DOCK9: variants seen among roughly 807,000 people sequenced by gnomAD.
The protein encoded by DOCK9 is dedicator of cytokinesis protein 9.
In DOCK9, 89 loss-of-function variants were observed where a neutral mutation model predicts 263.3. The observed-to-expected ratio is 0.34, with a 90% CI of 0.28 to 0.40. The LOEUF is 0.40. DOCK9 is among the 10% of genes least tolerant of loss of function. The probability of loss-of-function intolerance (pLI) is 1.00; values close to 1 mark genes in which losing one functional copy is unlikely to be tolerated. For missense variants in DOCK9, 2,140 were observed against 2,603.4 expected (o/e 0.82, Z 3.87); for synonymous variants, 976 against 973.1 (o/e 1.00, Z -0.06).
intron 46 of DOCK9, among the ~76,000 whole-genome samples, 194 bp from the exon 47 acceptor site, chr13:98,809,659 G>A (rs925153926): frequency 5.3e-5 from 8 of 152,200 alleles, no homozygotes; most frequent in Admixed American, 2.0e-4. Context: ...GCCCACACGT[G>A]AGGACCCATC....
chr13:98,899,284 A>G (rs1192957142), intron 13 of DOCK9, among the ~76,000 whole-genome samples: 1 of 152,148 alleles, frequency 6.6e-6, no homozygotes, highest in Non-Finnish European at 1.5e-5. Context: ...AGGATCCAGA[A>G]GGATCTAGAT....
intron 1 of DOCK9, among the ~76,000 whole-genome samples, chr13:98,962,823 T>C (rs776564428): frequency 6.6e-6 from 1 of 152,044 alleles, no homozygotes; most frequent in Admixed American, 6.5e-5. Flanking sequence ...ATACCGTAGA[T>C]GGGACTGAGT....
chr13:99,053,753 C>T (rs1298105111), intron 1 of DOCK9, among the ~76,000 whole-genome samples: 1 of 152,150 alleles, frequency 6.6e-6, no homozygotes, highest in Non-Finnish European at 1.5e-5. Flanking sequence ...ACCTGGTCCC[C>T]AGCGATAGCA....
chr13:98,903,599 C>CAAAAAAAAAAAAAAAAAAAACA (rs72290114), intron 10 of DOCK9, among the ~76,000 whole-genome samples: 1 of 78,542 alleles, frequency 1.3e-5, no homozygotes, highest in Non-Finnish European at 2.4e-5. Flanking sequence ...GACTCTGCCT[C>CAAAAAAAAAAAAAAAAAAAACA]AAAAAAAAAA....
chr13:98,808,684 T>G, intron 47 of DOCK9: 1 of 1,569,882 alleles, frequency 6.4e-7, no homozygotes, highest in East Asian at 2.2e-5. Context: ...TGCTATAAAG[T>G]TATAAAAGAC....
At chr13:98,889,172 A>G (rs528887167) in intron 15 of DOCK9, among the ~76,000 whole-genome samples, 47 of 152,246 alleles carry the variant, frequency 3.1e-4, no homozygotes, top group Non-Finnish European at 6.3e-4. Context: ...AATCATCACC[A>G]TTTGGGGGAG....
intron 49 of DOCK9, among the ~76,000 whole-genome samples, chr13:98,803,589 G>A (rs1283132724): frequency 2.6e-5 from 4 of 152,160 alleles, no homozygotes; most frequent in Non-Finnish European, 4.4e-5. Flanking sequence ...CCAACCTTGG[G>A]TAACCACTGA....
chr13:99,076,173 A>G (rs1211599189), intron 1 of DOCK9, among the ~76,000 whole-genome samples: 1 of 152,230 alleles, frequency 6.6e-6, no homozygotes, highest in Non-Finnish European at 1.5e-5. Context: ...AAAGATGTAA[A>G]AGATATAATG....
At chr13:99,085,765 T>C (rs895253577) in intron 1 of DOCK9, among the ~76,000 whole-genome samples, 3 of 149,058 alleles carry the variant, frequency 2.0e-5, no homozygotes, top group Admixed American at 6.8e-5. Flanking sequence ...TCTCCCACCC[T>C]GAGCGCAGAC....
At chr13:98,988,647 A>G (rs1414687845) in intron 1 of DOCK9, among the ~76,000 whole-genome samples, 1 of 152,234 alleles carries the variant, frequency 6.6e-6, no homozygotes, top group Non-Finnish European at 1.5e-5. Context: ...CTGTTACTAT[A>G]AAGACTTAAA....
In DOCK9 at chr13:98,831,602, C is replaced by CG. The variant is rs760033913; in HGVS notation, c.4452+46dup. 1.7e-5 allele frequency: 27 copies of CG among 1,601,110 alleles called. No individual in the cohort carries two copies. The South Asian group carries it at 2.0e-4, about 12-fold the overall frequency. ...TGCTCGGTAATGTACCCTTCAATTC[C>CG]GGGGGAAGAAGGAAAACATCTAACC... On this transcript the variant is annotated intron_variant, in intron 40 of 52. Coordinates refer to ENST00000682017, the MANE Select transcript of DOCK9 (RefSeq NM_001366683.2).
At chr13:99,052,042 T>G (rs1159370920) in intron 1 of DOCK9, among the ~76,000 whole-genome samples, 1 of 152,124 alleles carries the variant, frequency 6.6e-6, no homozygotes, top group South Asian at 2.1e-4. Context: ...CAAGTACCAT[T>G]CCTGTTTAAA....
intron 39 of DOCK9, among the ~76,000 whole-genome samples, chr13:98,836,136 C>G (rs922416054): frequency 5.9e-5 from 9 of 152,104 alleles, no homozygotes; most frequent in African/African-American, 9.7e-5. Context: ...CTCACAGGTG[C>G]CACTCAGACT....
At chr13:98,948,689 T>C (rs991569538) in intron 2 of DOCK9, among the ~76,000 whole-genome samples, 2 of 152,204 alleles carry the variant, frequency 1.3e-5, no homozygotes, top group Admixed American at 6.5e-5. Flanking sequence ...TCTGTTCCCA[T>C]TGAACAATAA....
chr13:98,921,589 G>A (rs55855426), intron 6 of DOCK9, among the ~76,000 whole-genome samples: 5,042 of 152,122 alleles, frequency 0.033, 133 homozygotes, highest in Middle Eastern at 0.092. Context: ...CTTTTCTCCT[G>A]AATAGCTTCT....
intron 21 of DOCK9, 56 bp downstream of exon 21, chr13:98,884,915 G>A (rs1029917242): frequency 1.0e-5 from 16 of 1,549,794 alleles, no homozygotes; most frequent in African/African-American, 1.4e-5. Context: ...TGTTTTAGTT[G>A]TTCTTTAATG....
At chr13:98,917,447 T>C (rs1386481903) in intron 7 of DOCK9, among the ~76,000 whole-genome samples, 2 of 152,276 alleles carry the variant, frequency 1.3e-5, no homozygotes, top group East Asian at 3.9e-4. Flanking sequence ...CACTCCTTAC[T>C]TCACAGACAT....
intron 34 of DOCK9, among the ~76,000 whole-genome samples, chr13:98,853,782 G>A (rs1178964738): frequency 6.6e-6 from 1 of 152,134 alleles, no homozygotes; most frequent in African/African-American, 2.4e-5. Context: ...CTTTCTCACT[G>A]GATAAACACA....
chr13:98,977,940 G>A lies in DOCK9; in HGVS notation c.-31C>T, dbSNP rs1447862863. On this transcript the variant is annotated 5_prime_UTR_variant, in exon 1 of 53. It introduces an in-frame stop codon into an upstream open reading frame of the 5' UTR. Coordinates refer to ENST00000682017, the MANE Select transcript of DOCK9 (RefSeq NM_001366683.2). ...GCTGAAAACGCAAGTCAGAAAGTCT[G>A]CAACTGGAACAGCTGCGAGTCCCTG... is the stretch of plus-strand genomic sequence containing the variant. 1 of 1,557,020 alleles carries A rather than the reference G, an allele frequency of 6.4e-7. No homozygotes were observed. Among genetic ancestry groups the A allele is most frequent in the Non-Finnish European group, 8.7e-7 (1 of 1,149,760 alleles).
Sources: allele counts gnomAD v4.1 joint callset (sites outside exome capture counted in the v4.1 genomes callset), GRCh38; gene constraint gnomAD v4.1.1; transcripts MANE v1.5; gene names NCBI Gene and HGNC (gene_info 2026-07-23, HGNC 2026-07-21).